Variants in NAALADL2 observed in about 807,000 individuals in gnomAD.
NAALADL2 encodes the protein N-acetylated alpha-linked acidic dipeptidase like 2.
NAALADL2 carries 76 observed loss-of-function variants against 87.2 expected under a neutral mutation model. The ratio of observed to expected loss-of-function variants is 0.87; its 90% CI spans 0.72 to 1.05. The LOEUF is 1.05. Among genes scored for constraint, NAALADL2 ranks in the 50% least tolerant of loss-of-function variants. NAALADL2 has a pLI of 0.00. For synonymous variants in NAALADL2, 354 were observed against 331.0 expected (o/e 1.07, Z -0.75); for missense variants, 1,089 against 945.8 (o/e 1.15, Z -1.99).
At chr3:175,288,848 T>A (rs1396695415) in intron 4 of NAALADL2, among the ~76,000 whole-genome samples, 3 of 152,210 alleles carry the variant, frequency 2.0e-5, no homozygotes, top group Non-Finnish European at 4.4e-5. Context: ...GCTGTTCTCA[T>A]CAAACATTTG....
chr3:174,902,544 A>G (rs1029154389), intron 1 of NAALADL2, among the ~76,000 whole-genome samples: 2 of 152,170 alleles, frequency 1.3e-5, no homozygotes, highest in Admixed American at 6.5e-5. Context: ...ACATGAAAGA[A>G]TATGAGAACC....
chr3:174,888,069 C>G (rs141174719), intron 1 of NAALADL2, among the ~76,000 whole-genome samples: 2 of 152,180 alleles, frequency 1.3e-5, no homozygotes, highest in Non-Finnish European at 2.9e-5. Flanking sequence ...TAATATTGAC[C>G]TGATTTCTAA....
intron 5 of NAALADL2, among the ~76,000 whole-genome samples, chr3:175,388,457 A>T (rs1768680089): frequency 6.6e-6 from 1 of 152,164 alleles, no homozygotes. Flanking sequence ...ATAAAATACA[A>T]AAATCGATGT....
chr3:175,573,776 C>T (rs1718442218), intron 9 of NAALADL2, among the ~76,000 whole-genome samples: 2 of 152,098 alleles, frequency 1.3e-5, no homozygotes, highest in South Asian at 4.1e-4. Flanking sequence ...AAAGGATTAC[C>T]CCCACTTTCG....
At chr3:174,633,556 G>C (rs1722350810) in intron 2 of NAALADL2, among the ~76,000 whole-genome samples, 2 of 152,202 alleles carry the variant, frequency 1.3e-5, no homozygotes, top group African/African-American at 4.8e-5. Context: ...GGAGAAAACA[G>C]TTTTTTAATG....
intron 1 of NAALADL2, among the ~76,000 whole-genome samples, chr3:175,011,228 C>T (rs1468535841): frequency 1.3e-5 from 2 of 149,386 alleles, no homozygotes; most frequent in Non-Finnish European, 3.0e-5. Flanking sequence ...CTTACAGATT[C>T]AGCCACAGAG....
chr3:175,701,854 G>A (rs1582945818), intron 11 of NAALADL2, among the ~76,000 whole-genome samples: 1 of 152,144 alleles, frequency 6.6e-6, no homozygotes, highest in East Asian at 1.9e-4. Context: ...TATTAACACT[G>A]CATTCCATTT....
At chr3:174,475,949 A>G (rs1269229835) in intron 1 of NAALADL2, among the ~76,000 whole-genome samples, 1 of 152,046 alleles carries the variant, frequency 6.6e-6, no homozygotes, top group Non-Finnish European at 1.5e-5. Context: ...AGTGCCATTC[A>G]GAGAATAGAT....
chr3:175,628,407 G>T (rs895557680), intron 11 of NAALADL2, among the ~76,000 whole-genome samples: 1 of 151,214 alleles, frequency 6.6e-6, no homozygotes, highest in African/African-American at 2.4e-5. Flanking sequence ...TGAAATGTGT[G>T]TATTTTTATA....
At position 174,656,457 on chromosome 3, in the gene NAALADL2, G is replaced by GA. The variant is rs1390699620; in HGVS notation, c.-114-81177dup. On this transcript the variant is annotated intron_variant, in intron 2 of 3. Transcript: ENST00000434257. Reference sequence around the variant, plus strand: ...TTCCAGCAAGATATGATTTAATTGAGAAAAAAATGAAAATGTGAGTGTTCT... The same window carrying GA: ...TTCCAGCAAGATATGATTTAATTGAGAAAAAAAATGAAAATGTGAGTGTTCT... 2.6e-5 allele frequency among the ~76,000 whole-genome samples: 4 copies of GA among 152,078 alleles called. No homozygotes were observed. The East Asian group carries it at 7.7e-4, about 29-fold the overall frequency.
intron 12 of NAALADL2, among the ~76,000 whole-genome samples, chr3:175,753,125 C>T (rs1559973933): frequency 6.6e-6 from 1 of 152,092 alleles, no homozygotes. Context: ...CTGAAATGCA[C>T]TTTGAAAACA....
intron 5 of NAALADL2, among the ~76,000 whole-genome samples, chr3:175,364,802 G>T (rs1412181961): frequency 1.4e-5 from 2 of 147,668 alleles, no homozygotes; most frequent in East Asian, 4.0e-4. Context: ...TATAATTAAG[G>T]TATTTATGAG....
At chr3:174,901,153 G>C (rs183408757) in intron 1 of NAALADL2, among the ~76,000 whole-genome samples, 20 of 152,250 alleles carry the variant, frequency 1.3e-4, no homozygotes, top group African/African-American at 4.3e-4. Context: ...GTGAAAATGT[G>C]ATTCATTAAC....
chr3:174,492,057 G>A (rs576111467), intron 1 of NAALADL2, among the ~76,000 whole-genome samples: 9 of 152,168 alleles, frequency 5.9e-5, no homozygotes, highest in Non-Finnish European at 8.8e-5. Context: ...ATCACCTGAG[G>A]TAAGGAGTTC....
At chr3:174,855,537 G>A (rs1032824018), upstream of NAALADL2, among the ~76,000 whole-genome samples, 2 of 151,506 alleles carry the variant, frequency 1.3e-5, no homozygotes, top group African/African-American at 4.9e-5. Flanking sequence ...ATCACTTTTC[G>A]CTTTTAAGCT....
intron 2 of NAALADL2, among the ~76,000 whole-genome samples, chr3:174,707,794 T>TA (rs559228656): frequency 2.9e-5 from 4 of 138,844 alleles, no homozygotes; most frequent in Non-Finnish European, 4.7e-5. Context: ...TAAAGTATAA[T>TA]AAAAAAAAAT....
intron 2 of NAALADL2, among the ~76,000 whole-genome samples, chr3:174,654,139 A>G (rs894094613): frequency 1.7e-4 from 26 of 151,138 alleles, no homozygotes; most frequent in African/African-American, 6.3e-4. Context: ...CCTTGGCTAA[A>G]TTTCTCTTGG....
chr3:174,448,156 A>C (rs1715196516), intron 1 of NAALADL2, among the ~76,000 whole-genome samples: 1 of 152,190 alleles, frequency 6.6e-6, no homozygotes, highest in Admixed American at 6.5e-5. Context: ...ATTGACATAC[A>C]GGAATTTGCC....
At chr3:175,604,255 G>A (rs990390035) in intron 10 of NAALADL2, among the ~76,000 whole-genome samples, 11 of 151,440 alleles carry the variant, frequency 7.3e-5, no homozygotes, top group African/African-American at 2.2e-4. Context: ...ATAAGTGTGA[G>A]GTGGTATCTC....
Sources: allele counts gnomAD v4.1 joint callset (sites outside exome capture counted in the v4.1 genomes callset), GRCh38; gene constraint gnomAD v4.1.1; transcripts MANE v1.5; gene names NCBI Gene and HGNC (gene_info 2026-07-23, HGNC 2026-07-21).